TENM1: variants seen among roughly 807,000 people sequenced by gnomAD.
TENM1 encodes teneurin-1.
In TENM1, 35 loss-of-function variants were observed where a neutral mutation model predicts 174.8. The observed-to-expected ratio is 0.20, with a 90% confidence interval of 0.15 to 0.27. TENM1 has a LOEUF of 0.27. Among genes scored for constraint, TENM1 ranks in the 10% least tolerant of loss-of-function variants. The probability of loss-of-function intolerance (pLI) is 1.00; values close to 1 mark genes in which losing one functional copy is unlikely to be tolerated. For missense variants in TENM1, 1,633 were observed against 2,130.1 expected (o/e 0.77, Z 4.59); for synonymous variants, 781 against 798.7 (o/e 0.98, Z 0.37).
intron 11 of TENM1, among the ~76,000 whole-genome samples, chrX:124,581,051 T>C (rs1446113557): frequency 9.8e-6 from 1 of 102,299 alleles, no homozygotes; most frequent in African/African-American, 3.6e-5. Flanking sequence ...CAAAGAACAA[T>C]ACTTAGTTCT....
intron 6 of TENM1, among the ~76,000 whole-genome samples, chrX:124,668,304 A>C (rs1156942036): frequency 9.0e-6 from 1 of 111,326 alleles, no homozygotes; most frequent in African/African-American, 3.3e-5. Context: ...TTCCTCAAGG[A>C]TCTAGAACTA....
intron 11 of TENM1, among the ~76,000 whole-genome samples, chrX:124,567,872 AG>A (rs1271234319): frequency 8.9e-6 from 1 of 111,907 alleles, no homozygotes; most frequent in African/African-American, 3.2e-5. Context: ...TTATAAGATT[AG>A]GTGCTAATTG....
intron 7 of TENM1, among the ~76,000 whole-genome samples, chrX:124,652,398 G>T (rs1388094492): frequency 1.8e-5 from 2 of 111,150 alleles, no homozygotes; most frequent in African/African-American, 6.5e-5. Flanking sequence ...ATTTTTAAAA[G>T]TTTTTTAAAG....
At chrX:124,491,473 T>C (rs1390056116) in intron 20 of TENM1, among the ~76,000 whole-genome samples, 1 of 111,868 alleles carries the variant, frequency 8.9e-6, no homozygotes, top group Non-Finnish European at 1.9e-5. Flanking sequence ...GGATGTATTT[T>C]TAAAGTCGCA....
At chrX:124,525,641 A>G (rs2047958195) in intron 16 of TENM1, among the ~76,000 whole-genome samples, 1 of 112,371 alleles carries the variant, frequency 8.9e-6, no homozygotes, top group African/African-American at 3.2e-5. Flanking sequence ...GTACTTCTGG[A>G]AAGATTACAC....
At chrX:125,170,870 TTAATA>T in the TENM1 span, among the ~76,000 whole-genome samples, 3 of 111,443 alleles carry the variant, frequency 2.7e-5, no homozygotes, top group Non-Finnish European at 5.7e-5. Context: ...TGCTTTTACT[TTAATA>T]TATTTACTAG....
At chrX:124,547,045 T>A (rs368475988) in exon 15 of TENM1, 2 of 1,209,907 alleles carry the variant, frequency 1.7e-6, no homozygotes, top group African/African-American at 3.5e-5. Context: ...TATATAACAG[T>A]TGCTTTGTTG....
rs2050144636 is a variant in TENM1 at position 124,605,913 on chromosome X, T to C, written c.2077+35878A>G. The stretch of plus-strand genomic sequence containing the variant: ...AAAAGCTGAATTCTTATTGTAGCAG[T>C]GTATATTAAAGTCTGAACTTTGAAA... On this transcript the variant is annotated intron_variant, in intron 11 of 31. Coordinates refer to ENST00000422452, the Ensembl canonical transcript of TENM1. Among the ~76,000 whole-genome samples, 3 of 112,008 alleles carry C rather than the reference T, an allele frequency of 2.7e-5. No individual in the cohort carries two copies. In the South Asian group the frequency reaches 1.1e-3, roughly 41 times the overall value.
exon 32 of TENM1, chrX:124,379,441 G>GCATTGTTTCATCTCC (rs2060133667): frequency 8.9e-6 from 1 of 112,328 alleles, no homozygotes; most frequent in African/African-American, 3.2e-5. Context: ...AAACAATGTG[G>GCATTGTTTCATCTCC]CAGCAACTGC....
chrX:124,479,677 A>T (rs2046803640), intron 22 of TENM1, among the ~76,000 whole-genome samples: 1 of 111,580 alleles, frequency 9.0e-6, no homozygotes, highest in African/African-American at 3.3e-5. Context: ...GGTTGAATGC[A>T]GTAGTTGAGG....
At chrX:125,115,182 AT>A in the TENM1 span, among the ~76,000 whole-genome samples, 1 of 111,711 alleles carries the variant, frequency 9.0e-6, no homozygotes, top group African/African-American at 3.3e-5. Flanking sequence ...CTTCGATAAA[AT>A]TTAACACCCC....
At chrX:124,500,182 T>C (rs764674144) in intron 19 of TENM1, among the ~76,000 whole-genome samples, 5 of 112,205 alleles carry the variant, frequency 4.5e-5, no homozygotes, top group African/African-American at 1.6e-4. Context: ...ATCTCAACAA[T>C]TGATGTCTGG....
intron 3 of TENM1, among the ~76,000 whole-genome samples, chrX:124,780,219 T>G (rs2054877604): frequency 8.9e-6 from 1 of 112,396 alleles, no homozygotes; most frequent in Non-Finnish European, 1.9e-5. Flanking sequence ...ACTTATTATC[T>G]TATTCTGAAA....
chrX:124,530,994 C>T (rs1295973269), intron 15 of TENM1, among the ~76,000 whole-genome samples: 1 of 110,895 alleles, frequency 9.0e-6, no homozygotes, highest in Non-Finnish European at 1.9e-5. Context: ...GAGGAAGGGA[C>T]AGTTTTTTCA....
chrX:125,168,994 G>T, the TENM1 span, among the ~76,000 whole-genome samples: 1 of 110,248 alleles, frequency 9.1e-6, no homozygotes, highest in Non-Finnish European at 1.9e-5. Flanking sequence ...GTGTGTGTGG[G>T]TGTGTGTGTG....
In TENM1 at chrX:124,639,722, CTAATACA is replaced by C. The variant is rs1326375682; in HGVS notation, c.2077+2062_2077+2068del. ...ATATGTACAATGCTTACAATAGTGA[CTAATACA>C]TAATAATTATTATGTGTTTGCTACA... On this transcript the variant is annotated intron_variant, in intron 11 of 31. Coordinates refer to ENST00000422452, the Ensembl canonical transcript of TENM1. Among the ~76,000 whole-genome samples, 3 of 110,807 alleles carry C rather than the reference CTAATACA, an allele frequency of 2.7e-5. No individual in the cohort carries two copies. The Admixed American group carries it at 2.9e-4, about 11-fold the overall frequency.
intron 3 of TENM1, among the ~76,000 whole-genome samples, chrX:124,760,462 T>C (rs2054380359): frequency 8.9e-6 from 1 of 111,745 alleles, no homozygotes; most frequent in Non-Finnish European, 1.9e-5. Flanking sequence ...TCCAACACTA[T>C]GTTGAATAGG....
At chrX:124,502,589 T>C (rs1279459794) in intron 19 of TENM1, among the ~76,000 whole-genome samples, 1 of 85,233 alleles carries the variant, frequency 1.2e-5, no homozygotes, top group Non-Finnish European at 2.3e-5. Flanking sequence ...TTTGTACTTT[T>C]AAAACTGTGG....
At chrX:124,456,598 T>C (rs188791080) in intron 22 of TENM1, among the ~76,000 whole-genome samples, 8 of 111,973 alleles carry the variant, frequency 7.1e-5, no homozygotes, top group East Asian at 2.8e-4. Context: ...TCCCCTCCCA[T>C]AATGCTTATT....
Sources: gnomAD v4.1 joint callset for allele counts (sites outside exome capture counted in the v4.1 genomes callset) on GRCh38, gnomAD v4.1.1 for gene constraint, MANE v1.5 for transcripts, NCBI Gene and HGNC (gene_info 2026-07-23, HGNC 2026-07-21) for gene names.